Variants in LMCD1 observed in about 807,000 individuals in gnomAD.
LMCD1 encodes LIM and cysteine-rich domains protein 1.
LMCD1 carries 32 observed loss-of-function variants against 42.7 expected under a neutral mutation model. The observed-to-expected ratio is 0.75, with a 90% CI of 0.57 to 1.01. The LOEUF (loss-of-function observed/expected upper bound fraction) is 1.01, where lower values mean the gene tolerates loss of function less well. Ranked by LOEUF, LMCD1 falls within the 50% of genes least tolerant of loss-of-function variation. LMCD1 has a pLI of 0.00. For synonymous variants in LMCD1, 178 were observed against 184.9 expected (o/e 0.96, Z 0.30); for missense variants, 458 against 483.1 (o/e 0.95, Z 0.49).
At chr3:8,506,669 G>A (rs917636631) in intron 1 of LMCD1, among the ~76,000 whole-genome samples, 1 of 152,204 alleles carries the variant, frequency 6.6e-6, no homozygotes, top group African/African-American at 2.4e-5. Flanking sequence ...GCCTTGATAA[G>A]TAACAGACCT....
At chr3:8,514,783 C>A in intron 1 of LMCD1, 1 of 338,786 alleles carries the variant, frequency 3.0e-6, no homozygotes, top group South Asian at 2.5e-5. Context: ...TCATTTTTAC[C>A]ATGTTCGAAA....
chr3:8,513,772 G>T (rs1368013926), intron 1 of LMCD1, among the ~76,000 whole-genome samples: 1 of 152,148 alleles, frequency 6.6e-6, no homozygotes, highest in African/African-American at 2.4e-5. Flanking sequence ...ATCAAATTTT[G>T]CATGCTTGTG....
At chr3:8,502,691 C>T (rs1232362297) in intron 1 of LMCD1, among the ~76,000 whole-genome samples, 5 of 151,578 alleles carry the variant, frequency 3.3e-5, no homozygotes, top group African/African-American at 4.9e-5. Flanking sequence ...AGGGTCTGCA[C>T]GTTTCCCTTA....
intron 1 of LMCD1, among the ~76,000 whole-genome samples, chr3:8,502,594 A>G (rs1314592026): frequency 6.8e-6 from 1 of 146,524 alleles, no homozygotes; most frequent in Non-Finnish European, 1.5e-5. Context: ...ACACACACAC[A>G]CACACACACA....
At chr3:8,551,494 T>C (rs923337084) in intron 4 of LMCD1, among the ~76,000 whole-genome samples, 2 of 152,206 alleles carry the variant, frequency 1.3e-5, no homozygotes, top group African/African-American at 4.8e-5. Context: ...ATAGGTAACT[T>C]TTCTAAGATC....
intron 4 of LMCD1, chr3:8,551,117 T>C (rs1545415): frequency 0.25 from 247,065 of 985,098 alleles, 33,076 homozygotes; most frequent in African/African-American, 0.48. Flanking sequence ...CTGTGGAAGA[T>C]AGACTTCTAT....
intron 4 of LMCD1, among the ~76,000 whole-genome samples, chr3:8,556,050 T>G (rs778263498): frequency 6.6e-6 from 1 of 152,220 alleles, no homozygotes; most frequent in Non-Finnish European, 1.5e-5. Context: ...TCTCTTTGGT[T>G]TTACTCAATT....
intron 1 of LMCD1, among the ~76,000 whole-genome samples, chr3:8,511,054 T>G (rs900899003): frequency 6.6e-6 from 1 of 152,222 alleles, no homozygotes; most frequent in Non-Finnish European, 1.5e-5. Flanking sequence ...ATTCCAACTC[T>G]GCCACTCATT....
chr3:8,509,800 G>A (rs1483383111), intron 1 of LMCD1, among the ~76,000 whole-genome samples: 1 of 152,154 alleles, frequency 6.6e-6, no homozygotes, highest in African/African-American at 2.4e-5. Context: ...AATGAGTGTA[G>A]TAGTCCTCCC....
At chr3:8,527,041 T>A (rs1217916630) in intron 1 of LMCD1, among the ~76,000 whole-genome samples, 2 of 152,198 alleles carry the variant, frequency 1.3e-5, no homozygotes, top group Non-Finnish European at 2.9e-5. Context: ...GGTTACTAGC[T>A]GTTGAATCTT....
At chr3:8,565,355 T>A in intron 4 of LMCD1, 77 bp from the exon 5 acceptor site, 1 of 1,303,952 alleles carries the variant, frequency 7.7e-7, no homozygotes, top group East Asian at 2.3e-5. Flanking sequence ...GTAGAAAGGC[T>A]GGAGCTGGAA....
intron 3 of LMCD1, among the ~76,000 whole-genome samples, chr3:8,544,117 C>T (rs1694687948): frequency 6.6e-6 from 1 of 152,078 alleles, no homozygotes; most frequent in East Asian, 1.9e-4. Flanking sequence ...TGAACTGTAA[C>T]CTCGGGTTAG....
At chr3:8,514,225 T>C (rs1263752475) in intron 1 of LMCD1, among the ~76,000 whole-genome samples, 1 of 152,096 alleles carries the variant, frequency 6.6e-6, no homozygotes, top group African/African-American at 2.4e-5. Flanking sequence ...AATAAGCATG[T>C]CACAAAAGAA....
At chr3:8,551,901 CT>C (rs1486539063) in intron 4 of LMCD1, among the ~76,000 whole-genome samples, 5 of 152,216 alleles carry the variant, frequency 3.3e-5, no homozygotes, top group Non-Finnish European at 2.9e-5. Flanking sequence ...TTCTGCTCCC[CT>C]GGTAAAGGGC....
chr3:8,525,410 GTGTT>G (rs1018958382), intron 1 of LMCD1, among the ~76,000 whole-genome samples: 1 of 152,128 alleles, frequency 6.6e-6, no homozygotes, highest in African/African-American at 2.4e-5. Flanking sequence ...GTGTGTGTGT[GTGTT>G]TGTGTGTGTG....
chr3:8,544,685 G>A (rs1395097310), intron 3 of LMCD1, among the ~76,000 whole-genome samples: 1 of 152,168 alleles, frequency 6.6e-6, no homozygotes, highest in Non-Finnish European at 1.5e-5. Flanking sequence ...AACAGGGTCT[G>A]TACAATATGC....
At chr3:8,505,203 C>G (rs1693855105) in intron 1 of LMCD1, among the ~76,000 whole-genome samples, 1 of 152,210 alleles carries the variant, frequency 6.6e-6, no homozygotes, top group South Asian at 2.1e-4. Context: ...ACTGCCCCAT[C>G]TGAAGAGCAC....
rs564762896 is a variant in LMCD1 at position 8,548,925 on chromosome 3, A to C, written c.723+22A>C. The stretch of plus-strand genomic sequence containing the variant: ...ATACGTAAGTTTCTCCCATGCTTCC[A>C]GCCAGGCTGAAACCATGCAGGCCCA... On this transcript the variant is annotated intron_variant, in intron 4 of 5. Coordinates refer to ENST00000157600, the MANE Select transcript of LMCD1 (RefSeq NM_014583.4). 7 of 1,478,664 alleles carry C rather than the reference A, an allele frequency of 4.7e-6. 1 individual carries two copies. The South Asian group carries it at 1.0e-4, about 21-fold the overall frequency. The allele number at this position is 1,478,664 out of a possible 1,614,324, so 91.6% of individuals were successfully genotyped here.
intron 3 of LMCD1, among the ~76,000 whole-genome samples, chr3:8,545,356 A>C (rs1200773040): frequency 1.3e-5 from 2 of 152,224 alleles, no homozygotes; most frequent in Admixed American, 1.3e-4. Context: ...CATTCTGATC[A>C]AGAATGTGAA....
Sources: gnomAD v4.1 joint callset for allele counts (sites outside exome capture counted in the v4.1 genomes callset) on GRCh38, gnomAD v4.1.1 for gene constraint, MANE v1.5 for transcripts, NCBI Gene and HGNC (gene_info 2026-07-23, HGNC 2026-07-21) for gene names.